SRBD1: variants seen among roughly 807,000 people sequenced by gnomAD.
SRBD1 encodes S1 RNA binding domain 1, also known as S1 RNA-binding domain-containing protein 1.
In SRBD1, 88 loss-of-function variants were observed where a neutral mutation model predicts 115.3. The observed-to-expected ratio is 0.76, with a 90% CI of 0.64 to 0.91. SRBD1 has a LOEUF of 0.91. Among genes scored for constraint, SRBD1 ranks in the 40% least tolerant of loss-of-function variants. SRBD1 has a pLI of 0.00. For missense variants in SRBD1, 1,385 were observed against 1,177.4 expected, an observed-to-expected ratio of 1.18 and a Z score of -2.58; for synonymous variants, 509 against 407.7, an observed-to-expected ratio of 1.25 and a Z score of -2.99.
chr2:45,463,804 C>T (rs1669398429), intron 16 of SRBD1, among the ~76,000 whole-genome samples: 1 of 151,954 alleles, frequency 6.6e-6, no homozygotes, highest in East Asian at 1.9e-4. Flanking sequence ...ACTATGCATC[C>T]ACACACAACC....
At chr2:45,515,734 A>G (rs1381962816) in intron 14 of SRBD1, among the ~76,000 whole-genome samples, 1 of 152,222 alleles carries the variant, frequency 6.6e-6, no homozygotes, top group Non-Finnish European at 1.5e-5. Flanking sequence ...TATGAAAACA[A>G]AAATAGATTA....
At chr2:45,607,345 A>C (rs1674305399) in intron 1 of SRBD1, among the ~76,000 whole-genome samples, 1 of 152,156 alleles carries the variant, frequency 6.6e-6, no homozygotes, top group Non-Finnish European at 1.5e-5. Flanking sequence ...CCTCTAGAAG[A>C]AAAAAAGGAG....
chr2:45,586,796 C>G (rs556800464), intron 4 of SRBD1, among the ~76,000 whole-genome samples: 2 of 151,398 alleles, frequency 1.3e-5, no homozygotes, highest in South Asian at 4.2e-4. Context: ...ATCCTCCCGT[C>G]TCAGCCTCCG....
At chr2:45,469,977 T>A (rs1669598701) in intron 16 of SRBD1, among the ~76,000 whole-genome samples, 1 of 152,246 alleles carries the variant, frequency 6.6e-6, no homozygotes, top group South Asian at 2.1e-4. Context: ...GTTTCACCTT[T>A]GTGTTTTCTC....
chr2:45,399,915 T>C (rs1362741395), intron 19 of SRBD1, among the ~76,000 whole-genome samples: 1 of 151,982 alleles, frequency 6.6e-6, no homozygotes, highest in African/African-American at 2.4e-5. Context: ...AGAGGGCAAA[T>C]TAAAAAAGTA....
At chr2:45,441,573 T>G (rs920962806) in intron 16 of SRBD1, among the ~76,000 whole-genome samples, 3 of 152,216 alleles carry the variant, frequency 2.0e-5, no homozygotes, top group African/African-American at 7.2e-5. Context: ...TTCCCACTTC[T>G]TAACACCATG....
chr2:45,610,069 C>G (rs138435166), intron 1 of SRBD1, among the ~76,000 whole-genome samples: 1 of 152,304 alleles, frequency 6.6e-6, no homozygotes, highest in African/African-American at 2.4e-5. Flanking sequence ...AGTGATGGCA[C>G]ATAAGAATAT....
chr2:45,503,201 A>G (rs1169676677), intron 14 of SRBD1, among the ~76,000 whole-genome samples: 1 of 112,832 alleles, frequency 8.9e-6, no homozygotes, highest in African/African-American at 4.1e-5. Context: ...AAACATATTA[A>G]TTAGCCCTTT....
intron 9 of SRBD1, among the ~76,000 whole-genome samples, chr2:45,567,495 GC>G: frequency 6.6e-6 from 1 of 152,142 alleles, no homozygotes; most frequent in South Asian, 2.1e-4. Flanking sequence ...CATAGTCCCA[GC>G]TCCTCAGGAG....
intron 16 of SRBD1, among the ~76,000 whole-genome samples, chr2:45,438,969 T>C (rs1668580763): frequency 6.6e-6 from 1 of 151,896 alleles, no homozygotes; most frequent in Admixed American, 6.6e-5. Context: ...AAAGGGAAAA[T>C]TGTCAAAGTA....
intron 18 of SRBD1, among the ~76,000 whole-genome samples, chr2:45,413,696 G>A (rs750707210): frequency 6.6e-6 from 1 of 152,100 alleles, no homozygotes; most frequent in Non-Finnish European, 1.5e-5. Flanking sequence ...GGGAGGCCGA[G>A]GCAGGCAGAT....
At chr2:45,549,800 C>T (rs1672240568) in intron 12 of SRBD1, among the ~76,000 whole-genome samples, 1 of 151,208 alleles carries the variant, frequency 6.6e-6, no homozygotes, top group Non-Finnish European at 1.5e-5. Context: ...GAAGCAGAGG[C>T]TGCAGTGAGC....
At chr2:45,395,547 C>T (rs1276534904) in intron 19 of SRBD1, among the ~76,000 whole-genome samples, 3 of 152,302 alleles carry the variant, frequency 2.0e-5, no homozygotes, top group South Asian at 2.1e-4. Flanking sequence ...GCATTAGTAA[C>T]TGAAATCAAT....
At chr2:45,546,947 C>A in intron 13 of SRBD1, 108 bp from the exon 14 acceptor site, 3 of 1,052,474 alleles carry the variant, frequency 2.9e-6, no homozygotes, top group South Asian at 1.3e-5. Flanking sequence ...CTCTTATTCT[C>A]TCATATATAC....
At chr2:45,412,007 G>C (rs1667617288) in intron 19 of SRBD1, among the ~76,000 whole-genome samples, 1 of 152,100 alleles carries the variant, frequency 6.6e-6, no homozygotes, top group Admixed American at 6.5e-5. Context: ...CAGCTACTTA[G>C]GAGGTTGACG....
At chr2:45,509,115 G>A (rs1164511910) in intron 14 of SRBD1, among the ~76,000 whole-genome samples, 1 of 152,064 alleles carries the variant, frequency 6.6e-6, no homozygotes, top group Non-Finnish European at 1.5e-5. Context: ...TTGTTCTGAA[G>A]CAACATAACT....
rs13406116 is a variant in SRBD1, at chr2:45,524,664, G to A, written c.1874+22068C>T. 8.1e-3 allele frequency among the ~76,000 whole-genome samples: 1,238 copies of A among 152,100 alleles called. 14 individuals carry two copies. The highest frequency in any genetic ancestry group is 0.028 in the African/African-American group (1,145 of 41,542). ...TAAGGAAGATCTAAATAAGTGGAAA[G>A]ACATCAAATGCTTATGGATTTAAAG... On this transcript the variant is annotated intron_variant, in intron 14 of 20. Transcript: ENST00000263736.
At chr2:45,587,086 A>T (rs1270425468) in intron 4 of SRBD1, among the ~76,000 whole-genome samples, 12 of 130,892 alleles carry the variant, frequency 9.2e-5, no homozygotes, top group Middle Eastern at 3.9e-3. Context: ...AATATTTAAA[A>T]TTTTTTAAAT....
intron 14 of SRBD1, among the ~76,000 whole-genome samples, chr2:45,524,007 A>G (rs1340168068): frequency 6.6e-6 from 1 of 152,122 alleles, no homozygotes; most frequent in Admixed American, 6.5e-5. Context: ...ACAACCAAAA[A>G]TCAATTAATA....
Sources: allele counts gnomAD v4.1 joint callset (sites outside exome capture counted in the v4.1 genomes callset), GRCh38; gene constraint gnomAD v4.1.1; transcripts MANE v1.5; gene names NCBI Gene and HGNC (gene_info 2026-07-23, HGNC 2026-07-21).